Variants in LRRC7 observed in about 807,000 individuals in gnomAD.
LRRC7 encodes leucine-rich repeat-containing protein 7.
A neutral mutation model predicts 175.7 loss-of-function variants in LRRC7; 23 were observed. The observed-to-expected ratio is 0.13, with a 90% confidence interval of 0.09 to 0.19. The LOEUF is 0.19. Among genes scored for constraint, LRRC7 ranks in the 10% least tolerant of loss-of-function variants. The pLI, the probability that LRRC7 is intolerant of heterozygous loss-of-function variation, is 1.00. For missense variants in LRRC7, 1,354 were observed against 1,904.7 expected (o/e 0.71, Z 5.38); for synonymous variants, 685 against 680.9 (o/e 1.01, Z -0.09).
At chr1:69,903,331 C>G (rs756766654) in intron 7 of LRRC7, among the ~76,000 whole-genome samples, 1 of 152,088 alleles carries the variant, frequency 6.6e-6, no homozygotes, top group Non-Finnish European at 1.5e-5. Flanking sequence ...AGAGGGCGAG[C>G]GGAAGCAGGG....
At chr1:69,748,773 C>G (rs989943625) in intron 2 of LRRC7, among the ~76,000 whole-genome samples, 1 of 152,082 alleles carries the variant, frequency 6.6e-6, no homozygotes, top group South Asian at 2.1e-4. Context: ...AGGGTCCTTC[C>G]AAACTTGAGA....
intron 1 of LRRC7, among the ~76,000 whole-genome samples, chr1:69,592,591 C>T (rs890068039): frequency 1.3e-5 from 2 of 151,966 alleles, no homozygotes; most frequent in African/African-American, 4.8e-5. Context: ...TGTTTTCTTT[C>T]TGTTAAGATT....
At chr1:69,819,577 CTGTGTGTGTG>C (rs71071379) in intron 4 of LRRC7, among the ~76,000 whole-genome samples, 6,144 of 114,828 alleles carry the variant, frequency 0.054, 263 homozygotes, top group African/African-American at 0.12. Flanking sequence ...CTCTCTCTCT[CTGTGTGTGTG>C]TGTGTGTGTG....
At chr1:69,909,586 T>C (rs1646452842) in intron 7 of LRRC7, among the ~76,000 whole-genome samples, 1 of 152,188 alleles carries the variant, frequency 6.6e-6, no homozygotes, top group Admixed American at 6.5e-5. Context: ...TTTAAACATG[T>C]TTAATATTGG....
chr1:69,700,741 T>A (rs1663236917), intron 2 of LRRC7, among the ~76,000 whole-genome samples: 1 of 151,834 alleles, frequency 6.6e-6, no homozygotes, highest in Non-Finnish European at 1.5e-5. Context: ...GTTATAGGAG[T>A]TTGTGTTTAT....
At chr1:69,590,738 G>T (rs892204631) in intron 1 of LRRC7, among the ~76,000 whole-genome samples, 12 of 152,108 alleles carry the variant, frequency 7.9e-5, no homozygotes, top group Non-Finnish European at 1.6e-4. Context: ...ATATTGTATT[G>T]TTAGGCTCTT....
At position 70,076,205 on chromosome 1, in the gene LRRC7, G is replaced by A. The variant is rs372468445; in HGVS notation, c.4359G>A (p.Gln1453=). The A allele has an allele frequency of 1.2e-6, 2 of 1,614,088 alleles. No homozygotes were observed. Among genetic ancestry groups the A allele is most frequent in the Non-Finnish European group, 1.7e-6 (2 of 1,179,998 alleles). ...AATTTCAGTCACCATTGCCTATTCA[G>A]ATCCCCTCTTCACAGGCCACCCGGG... ...IQQFQSPLPI[Q]IPSSQATRGP... The change falls in exon 24 of 27, where the codon CAG becomes CAA. Residue 1453 remains glutamine, a synonymous_variant. Coordinates refer to ENST00000651989, the MANE Select transcript of LRRC7 (RefSeq NM_001370785.2).
chr1:69,928,641 A>G (rs891270149), intron 7 of LRRC7, among the ~76,000 whole-genome samples: 1 of 152,172 alleles, frequency 6.6e-6, no homozygotes, highest in African/African-American at 2.4e-5. Context: ...CTGGTGCGCC[A>G]TTTTTTAAGC....
intron 4 of LRRC7, among the ~76,000 whole-genome samples, chr1:69,821,525 A>G (rs2101211736): frequency 1.3e-5 from 2 of 152,096 alleles, no homozygotes; most frequent in East Asian, 3.9e-4. Context: ...CTTGTAGCTT[A>G]CTTAGCTTCC....
chr1:69,700,136 G>A (rs1473967055), intron 2 of LRRC7, among the ~76,000 whole-genome samples: 1 of 152,096 alleles, frequency 6.6e-6, no homozygotes, highest in African/African-American at 2.4e-5. Context: ...GGATCCAAAA[G>A]GTGTGGACCT....
intron 4 of LRRC7, among the ~76,000 whole-genome samples, chr1:69,822,647 A>G (rs1305474265): frequency 6.6e-6 from 1 of 152,076 alleles, no homozygotes; most frequent in Admixed American, 6.5e-5. Context: ...CACTCACTAT[A>G]TTTTTACTTT....
At chr1:69,776,308 G>A (rs553126954) in intron 3 of LRRC7, among the ~76,000 whole-genome samples, 30 of 152,086 alleles carry the variant, frequency 2.0e-4, no homozygotes, top group African/African-American at 6.7e-4. Flanking sequence ...AACAAATGAC[G>A]GTAATTGCTA....
At chr1:69,707,108 T>G (rs1664130844) in intron 2 of LRRC7, among the ~76,000 whole-genome samples, 1 of 152,106 alleles carries the variant, frequency 6.6e-6, no homozygotes, top group Admixed American at 6.6e-5. Flanking sequence ...ATGATGATGA[T>G]TAATGAGGAA....
At chr1:69,583,667 C>T (rs1284604187) in intron 1 of LRRC7, among the ~76,000 whole-genome samples, 3 of 152,120 alleles carry the variant, frequency 2.0e-5, no homozygotes, top group Admixed American at 1.3e-4. Flanking sequence ...AACTTACCCC[C>T]AATTGGGGAA....
chr1:69,907,120 G>T (rs1276160847), intron 7 of LRRC7, among the ~76,000 whole-genome samples: 1 of 152,104 alleles, frequency 6.6e-6, no homozygotes, highest in Non-Finnish European at 1.5e-5. Flanking sequence ...TATATCCTGA[G>T]ACTTTGCTGA....
intron 7 of LRRC7, among the ~76,000 whole-genome samples, chr1:69,901,251 A>G (rs1646126723): frequency 6.6e-6 from 1 of 152,196 alleles, no homozygotes; most frequent in Non-Finnish European, 1.5e-5. Flanking sequence ...GGGGATGAAA[A>G]GAGAGTACAC....
At chr1:69,879,421 G>C (rs1686373417) in intron 7 of LRRC7, among the ~76,000 whole-genome samples, 1 of 152,054 alleles carries the variant, frequency 6.6e-6, no homozygotes, top group Non-Finnish European at 1.5e-5. Flanking sequence ...AGCAAAGACG[G>C]TTTCTGAGAG....
At chr1:69,761,610 G>T (rs1671043736) in intron 3 of LRRC7, among the ~76,000 whole-genome samples, 1 of 151,922 alleles carries the variant, frequency 6.6e-6, no homozygotes, top group Non-Finnish European at 1.5e-5. Context: ...GTATTTTTTA[G>T]AGGTAGGTCA....
chr1:69,584,503 G>C (rs114695164), intron 1 of LRRC7, among the ~76,000 whole-genome samples: 1,635 of 152,140 alleles, frequency 0.011, 30 homozygotes, highest in African/African-American at 0.035. Context: ...CCTCAGAAAA[G>C]TTATTTTAAC....
Sources: gnomAD v4.1 joint callset for allele counts (sites outside exome capture counted in the v4.1 genomes callset) on GRCh38, gnomAD v4.1.1 for gene constraint, MANE v1.5 for transcripts, NCBI Gene and HGNC (gene_info 2026-07-23, HGNC 2026-07-21) for gene names.